Variants in TRAPPC9 observed in about 807,000 individuals in gnomAD.
TRAPPC9 encodes the protein IKK2 binding protein.
TRAPPC9 carries 83 observed loss-of-function variants against 124.0 expected under a neutral mutation model. That is an observed-to-expected ratio of 0.67 (90% CI 0.56 to 0.80). TRAPPC9 has a LOEUF of 0.80. Among genes scored for constraint, TRAPPC9 ranks in the 30% least tolerant of loss-of-function variants. The probability of loss-of-function intolerance (pLI) is 0.00; values close to 1 mark genes in which losing one functional copy is unlikely to be tolerated. For missense variants in TRAPPC9, 1,302 were observed against 1,508.3 expected, an observed-to-expected ratio of 0.86 and a Z score of 2.27; for synonymous variants, 638 against 617.5, an observed-to-expected ratio of 1.03 and a Z score of -0.49.
chr8:140,148,152 G>A (rs1708202225), intron 17 of TRAPPC9, among the ~76,000 whole-genome samples: 1 of 152,236 alleles, frequency 6.6e-6, no homozygotes, highest in Non-Finnish European at 1.5e-5. Flanking sequence ...GGCTAGGGAA[G>A]TGTGCAGGGA....
At chr8:140,350,533 G>A (rs539953271) in intron 9 of TRAPPC9, among the ~76,000 whole-genome samples, 12 of 152,248 alleles carry the variant, frequency 7.9e-5, no homozygotes, top group South Asian at 2.1e-4. Context: ...GTTCCAGGCC[G>A]TCCCAGGACA....
At chr8:140,020,143 T>G (rs1392801802) in intron 18 of TRAPPC9, among the ~76,000 whole-genome samples, 1 of 152,218 alleles carries the variant, frequency 6.6e-6, no homozygotes, top group Non-Finnish European at 1.5e-5. Context: ...CTGACCACCC[T>G]AGTTACAATT....
At chr8:139,889,739 A>G (rs181040839) in intron 20 of TRAPPC9, among the ~76,000 whole-genome samples, 2 of 152,352 alleles carry the variant, frequency 1.3e-5, no homozygotes, top group Non-Finnish European at 2.9e-5. Flanking sequence ...CAGAGAACTG[A>G]GAAATCTCGC....
chr8:140,085,932 C>T (rs1844157435), intron 17 of TRAPPC9, among the ~76,000 whole-genome samples: 1 of 152,146 alleles, frequency 6.6e-6, no homozygotes, highest in Admixed American at 6.5e-5. Context: ...CACCCCACAC[C>T]CCCTTAGGAA....
In TRAPPC9 at chr8:140,252,683, G is replaced by C; in HGVS notation, c.2431+94C>G. ...GCTTGAGTTAATGAATGACAAGTGA[G>C]TTACAAACAGCAAACAGCAGGCATC... is the stretch of plus-strand genomic sequence containing the variant. On this transcript the variant is annotated intron_variant, in intron 16 of 22. Transcript: ENST00000438773. The surrounding 1 kb of genome is among the most constrained non-coding windows in gnomAD (Gnocchi z 4.2). 1 of 1,472,258 alleles carries C rather than the reference G, an allele frequency of 6.8e-7. No individual in the cohort carries two copies. The highest frequency in any genetic ancestry group is 9.4e-7 in the Non-Finnish European group (1 of 1,064,686). 91.2% of individuals were successfully genotyped at this position (1,472,258 alleles called of 1,614,324 possible).
intron 5 of TRAPPC9, among the ~76,000 whole-genome samples, chr8:140,415,341 G>A (rs1179576819): frequency 6.6e-6 from 1 of 151,924 alleles, no homozygotes; most frequent in East Asian, 1.9e-4. Context: ...ATCACTTGCG[G>A]TCAGGAGTTC....
intron 2 of TRAPPC9, among the ~76,000 whole-genome samples, chr8:140,444,960 T>A (rs940308867): frequency 6.6e-6 from 1 of 151,110 alleles, no homozygotes; most frequent in African/African-American, 2.4e-5. Flanking sequence ...CCTACCTCCA[T>A]CTGCATTCTC....
chr8:140,178,987 G>C (rs2062137099), intron 17 of TRAPPC9, among the ~76,000 whole-genome samples: 2 of 152,108 alleles, frequency 1.3e-5, no homozygotes, highest in African/African-American at 2.4e-5. Context: ...GATATGTTAT[G>C]TCTTCTTATC....
chr8:140,272,377 GGTGA>G (rs2064965836), intron 15 of TRAPPC9, among the ~76,000 whole-genome samples: 1 of 147,124 alleles, frequency 6.8e-6, no homozygotes, highest in Non-Finnish European at 1.5e-5. Context: ...TGAGGGTGGT[GGTGA>G]TGATGGTGAT....
At chr8:139,902,467 T>C (rs1031508659) in intron 20 of TRAPPC9, among the ~76,000 whole-genome samples, 1 of 152,178 alleles carries the variant, frequency 6.6e-6, no homozygotes, top group South Asian at 2.1e-4. Context: ...AACCACGTTA[T>C]TACAAACAGC....
At chr8:140,458,379 G>A (rs1309187882), upstream of TRAPPC9, 1 of 1,594,554 alleles carries the variant, frequency 6.3e-7, no homozygotes, top group Non-Finnish European at 8.5e-7. Flanking sequence ...GGCACCCCCT[G>A]TGACCCTCAC....
At chr8:140,006,497 A>G (rs1838759936) in intron 18 of TRAPPC9, among the ~76,000 whole-genome samples, 1 of 152,210 alleles carries the variant, frequency 6.6e-6, no homozygotes, top group Admixed American at 6.5e-5. Flanking sequence ...TTCCACTCCT[A>G]GGTTTGTACC....
intron 1 of TRAPPC9, among the ~76,000 whole-genome samples, chr8:140,454,442 C>G (rs920747311): frequency 6.6e-6 from 1 of 151,922 alleles, no homozygotes; most frequent in South Asian, 2.1e-4. Context: ...AGTTGGAGAC[C>G]AGCCTGACCA....
chr8:139,750,746 C>CA (rs1245626008), intron 21 of TRAPPC9, among the ~76,000 whole-genome samples: 3 of 152,124 alleles, frequency 2.0e-5, no homozygotes, highest in Non-Finnish European at 4.4e-5. Context: ...CCCGTGGGAC[C>CA]ATTCAAACTG....
chr8:140,398,228 CA>C (rs2069152054), intron 6 of TRAPPC9, among the ~76,000 whole-genome samples: 1 of 152,172 alleles, frequency 6.6e-6, no homozygotes, highest in Non-Finnish European at 1.5e-5. Context: ...TCTTTATCAG[CA>C]GCATGAAAAC....
At chr8:140,343,180 A>C (rs975446972) in intron 9 of TRAPPC9, among the ~76,000 whole-genome samples, 2 of 152,226 alleles carry the variant, frequency 1.3e-5, no homozygotes, top group Admixed American at 6.5e-5. Flanking sequence ...AAAACTCCTC[A>C]TAAGTGAAAA....
At chr8:139,808,662 T>G (rs1824228320) in intron 21 of TRAPPC9, among the ~76,000 whole-genome samples, 1 of 151,612 alleles carries the variant, frequency 6.6e-6, no homozygotes, top group South Asian at 2.1e-4. Context: ...CTACTTTCTA[T>G]CTCTACAGAT....
intron 18 of TRAPPC9, among the ~76,000 whole-genome samples, chr8:140,017,549 T>C (rs1045101951): frequency 2.0e-5 from 3 of 152,362 alleles, no homozygotes; most frequent in Admixed American, 1.3e-4. Context: ...ATTGGAACTA[T>C]TTCTGGACTA....
intron 21 of TRAPPC9, among the ~76,000 whole-genome samples, chr8:139,774,637 G>A (rs1226039207): frequency 1.3e-5 from 2 of 152,228 alleles, no homozygotes; most frequent in African/African-American, 4.8e-5. Flanking sequence ...AGGACCAGAA[G>A]CAGCACATGG....
Sources: allele counts gnomAD v4.1 joint callset (sites outside exome capture counted in the v4.1 genomes callset), GRCh38; gene constraint gnomAD v4.1.1; non-coding constraint Gnocchi (gnomAD v3.1); transcripts MANE v1.5; gene names NCBI Gene and HGNC (gene_info 2026-07-23, HGNC 2026-07-21).